The following TTC28 variants were observed in gnomAD, a reference collection of about 807,000 sequenced individuals.
The protein encoded by TTC28 is tetratricopeptide repeat protein 28.
A neutral mutation model predicts 198.0 loss-of-function variants in TTC28; 61 were observed. The ratio of observed to expected loss-of-function variants is 0.31; its 90% CI spans 0.25 to 0.38. The LOEUF (loss-of-function observed/expected upper bound fraction) is 0.38, where lower values mean the gene tolerates loss of function less well. TTC28 is among the 10% of genes least tolerant of loss of function. The probability of loss-of-function intolerance (pLI) is 1.00; values close to 1 mark genes in which losing one functional copy is unlikely to be tolerated. For missense variants in TTC28, 2,678 were observed against 3,164.0 expected (o/e 0.85, Z 3.69); for synonymous variants, 1,171 against 1,297.8 (o/e 0.90, Z 2.10).
At chr22:28,061,423 G>T (rs1940535409) in intron 12 of TTC28, among the ~76,000 whole-genome samples, 1 of 152,124 alleles carries the variant, frequency 6.6e-6, no homozygotes, top group Non-Finnish European at 1.5e-5. Flanking sequence ...TCCAGTTTCA[G>T]CTTTCTACAT....
intron 2 of TTC28, among the ~76,000 whole-genome samples, chr22:28,547,740 T>A (rs541968991): frequency 2.0e-5 from 3 of 150,106 alleles, no homozygotes; most frequent in South Asian, 4.2e-4. Flanking sequence ...CTTAAGGACA[T>A]TTTAATGCTG....
chr22:28,459,015 C>T (rs1480500079), intron 2 of TTC28, among the ~76,000 whole-genome samples: 1 of 152,000 alleles, frequency 6.6e-6, no homozygotes, highest in African/African-American at 2.4e-5. Context: ...TGTCTCCTAG[C>T]TGCAGGGGTG....
intron 2 of TTC28, among the ~76,000 whole-genome samples, chr22:28,566,954 C>G (rs1036158972): frequency 2.0e-5 from 3 of 152,048 alleles, no homozygotes; most frequent in African/African-American, 7.2e-5. Context: ...CAGTGGCTCA[C>G]GCCTGTAACT....
At chr22:28,605,587 C>T (rs531797236) in intron 2 of TTC28, among the ~76,000 whole-genome samples, 21 of 152,306 alleles carry the variant, frequency 1.4e-4, no homozygotes, top group African/African-American at 5.1e-4. Context: ...CACAGAAGGA[C>T]AGTCCTTTGA....
chr22:28,447,245 T>TA lies in TTC28; in HGVS notation c.382-140603dup, dbSNP rs68065115. Among the ~76,000 whole-genome samples, 879 of 147,212 alleles carry TA rather than the reference T, an allele frequency of 6.0e-3. 17 individuals carry two copies. Among genetic ancestry groups the TA allele is most frequent in the African/African-American group, 0.021 (831 of 40,272 alleles). ...ATAAATAAGTGAAACAGAGACAGGTTAAAAAAAAAAGGGAATTGTGAGGAT... is the reference window on the plus strand; with the variant it reads ...ATAAATAAGTGAAACAGAGACAGGTTAAAAAAAAAAAGGGAATTGTGAGGAT... On this transcript the variant is annotated intron_variant, in intron 2 of 22. Transcript: ENST00000397906.
rs1942284556 is a variant in TTC28, at chr22:28,105,906, A to T, written c.2784-104T>A. On this transcript the variant is annotated intron_variant, in intron 7 of 22. Transcript: ENST00000397906. ...AGCATTTGTCACTGTCACTTACTAT[A>T]GAAGCTCTTAACTCCTCTTCTAGCT... The T allele has an allele frequency of 9.7e-6, 13 of 1,341,500 alleles. No homozygotes were observed. The South Asian group carries it at 2.0e-4, about 21-fold the overall frequency. 83.1% of individuals were successfully genotyped at this position (1,341,500 alleles called of 1,614,324 possible).
intron 6 of TTC28, among the ~76,000 whole-genome samples, chr22:28,159,644 G>A (rs1430994192): frequency 7.0e-6 from 1 of 143,868 alleles, no homozygotes; most frequent in Non-Finnish European, 1.5e-5. Context: ...GGGTGACAAA[G>A]TGAGACTCTG....
At chr22:28,641,464 T>C (rs2051364559) in intron 1 of TTC28, among the ~76,000 whole-genome samples, 1 of 152,066 alleles carries the variant, frequency 6.6e-6, no homozygotes, top group African/African-American at 2.4e-5. Context: ...AGTAGACAAA[T>C]CCATTGATAT....
chr22:28,588,150 AAAC>A (rs1418572577), intron 2 of TTC28, among the ~76,000 whole-genome samples: 53 of 135,368 alleles, frequency 3.9e-4, no homozygotes, highest in East Asian at 1.4e-3. Context: ...TCAAAAAAAA[AAAC>A]AAACAAACAA....
chr22:28,581,211 C>T (rs751633594), intron 2 of TTC28, among the ~76,000 whole-genome samples: 2 of 152,112 alleles, frequency 1.3e-5, no homozygotes, highest in Non-Finnish European at 2.9e-5. Flanking sequence ...TTCCCCTTCA[C>T]TCTCTCTTCC....
chr22:28,423,097 G>C (rs898011544), intron 2 of TTC28, among the ~76,000 whole-genome samples: 2 of 151,980 alleles, frequency 1.3e-5, no homozygotes, highest in African/African-American at 4.8e-5. Context: ...AAGATCTCTG[G>C]ACAATTCTAA....
intron 2 of TTC28, among the ~76,000 whole-genome samples, chr22:28,363,451 G>A (rs2046190839): frequency 6.6e-6 from 1 of 152,202 alleles, no homozygotes; most frequent in Admixed American, 6.5e-5. Flanking sequence ...GGCCCTCATG[G>A]AGAACCTCTG....
At chr22:28,099,121 T>G in intron 9 of TTC28, 77 bp from the exon 10 acceptor site, 1 of 1,518,312 alleles carries the variant, frequency 6.6e-7, no homozygotes, top group Non-Finnish European at 8.9e-7. Flanking sequence ...AGACAACTTT[T>G]GCTCATATCT....
chr22:28,477,566 AG>A (rs555767821), intron 2 of TTC28, among the ~76,000 whole-genome samples: 39 of 152,318 alleles, frequency 2.6e-4, no homozygotes, highest in African/African-American at 8.7e-4. Flanking sequence ...CAATGTGTGG[AG>A]TTTATTTGGA....
At chr22:28,326,969 A>T (rs981508388) in intron 2 of TTC28, among the ~76,000 whole-genome samples, 1 of 91,486 alleles carries the variant, frequency 1.1e-5, no homozygotes, top group Non-Finnish European at 2.3e-5. Context: ...AGCATACACA[A>T]ACACAAACAC....
chr22:28,664,839 T>C (rs1339494089), intron 1 of TTC28, among the ~76,000 whole-genome samples: 2 of 13,274 alleles, frequency 1.5e-4, no homozygotes, highest in Non-Finnish European at 2.7e-4. Flanking sequence ...CCAAGACACA[T>C]AATTGTCAGA....
chr22:28,179,325 A>G (rs907747251), intron 5 of TTC28, among the ~76,000 whole-genome samples: 1 of 151,560 alleles, frequency 6.6e-6, no homozygotes, highest in South Asian at 2.1e-4. Flanking sequence ...ATGCACAGCT[A>G]ATTTTTTTTT....
intron 7 of TTC28, 126 bp from the exon 8 acceptor site, chr22:28,105,928 A>T: frequency 1.7e-6 from 2 of 1,176,706 alleles, no homozygotes; most frequent in Non-Finnish European, 2.3e-6. Flanking sequence ...CTCCTCTTCT[A>T]GCTAAAATCT....
intron 2 of TTC28, among the ~76,000 whole-genome samples, chr22:28,563,620 T>C (rs1601570480): frequency 6.6e-6 from 1 of 152,136 alleles, no homozygotes; most frequent in East Asian, 1.9e-4. Flanking sequence ...TTACACCTAC[T>C]AGACTGACTA....
Sources: gnomAD v4.1 joint callset for allele counts (sites outside exome capture counted in the v4.1 genomes callset) on GRCh38, gnomAD v4.1.1 for gene constraint, MANE v1.5 for transcripts, NCBI Gene and HGNC (gene_info 2026-07-23, HGNC 2026-07-21) for gene names.